Variants in COL5A2 observed in about 807,000 individuals in gnomAD.
COL5A2 encodes collagen type V alpha 2 chain.
In COL5A2, 23 loss-of-function variants were observed where a neutral mutation model predicts 208.2. The ratio of observed to expected loss-of-function variants is 0.11; its 90% CI spans 0.08 to 0.16. The LOEUF (loss-of-function observed/expected upper bound fraction) is 0.16, where lower values mean the gene tolerates loss of function less well. Ranked by LOEUF, COL5A2 falls within the 10% of genes least tolerant of loss-of-function variation. COL5A2 has a pLI of 1.00. For missense variants in COL5A2, 1,590 were observed against 1,956.4 expected (o/e 0.81, Z 3.53); for synonymous variants, 625 against 628.5 (o/e 0.99, Z 0.08).
upstream of COL5A2, among the ~76,000 whole-genome samples, chr2:189,226,623 C>G (rs958851274): frequency 2.6e-5 from 4 of 152,076 alleles, no homozygotes; most frequent in Non-Finnish European, 4.4e-5. Context: ...TGTCTTGGAG[C>G]ACTGATAACA....
chr2:189,207,404 G>A (rs1213534223), intron 1 of COL5A2, among the ~76,000 whole-genome samples: 2 of 152,038 alleles, frequency 1.3e-5, no homozygotes, highest in Non-Finnish European at 1.5e-5. Flanking sequence ...TCTATTAAAT[G>A]TAAGTTACAA....
At chr2:189,433,539 G>A in the COL5A2 span, among the ~76,000 whole-genome samples, 4 of 152,024 alleles carry the variant, frequency 2.6e-5, no homozygotes, top group African/African-American at 7.2e-5. Context: ...TACCATCAGA[G>A]AATACAATAA....
intron 1 of COL5A2, among the ~76,000 whole-genome samples, chr2:189,187,550 G>C (rs144829234): frequency 3.3e-5 from 5 of 152,178 alleles, no homozygotes; most frequent in African/African-American, 1.2e-4. Context: ...TATTAAATGA[G>C]TTGAAATTTA....
intron 1 of COL5A2, among the ~76,000 whole-genome samples, chr2:189,190,869 T>G (rs1688914242): frequency 6.6e-6 from 1 of 152,206 alleles, no homozygotes. Context: ...ACTTTGAGAA[T>G]GCAGATATGT....
upstream of COL5A2, among the ~76,000 whole-genome samples, chr2:189,182,915 C>T (rs1688801381): frequency 6.6e-6 from 1 of 152,158 alleles, no homozygotes; most frequent in Non-Finnish European, 1.5e-5. Flanking sequence ...GTTACTCTGT[C>T]AGTGTCTCCT....
the COL5A2 span, among the ~76,000 whole-genome samples, chr2:189,323,795 T>C: frequency 6.6e-6 from 1 of 152,180 alleles, no homozygotes; most frequent in African/African-American, 2.4e-5. Flanking sequence ...TACCAATGCC[T>C]TTCTTCACAG....
chr2:189,097,568 A>C, intron 5 of COL5A2: 1 of 667,594 alleles, frequency 1.5e-6, no homozygotes, highest in Middle Eastern at 2.5e-4. Flanking sequence ...TTATGGCATC[A>C]TGGAGCATAG....
intron 1 of COL5A2, among the ~76,000 whole-genome samples, chr2:189,185,282 C>G (rs1268287156): frequency 4.6e-5 from 7 of 152,186 alleles, no homozygotes; most frequent in Non-Finnish European, 1.0e-4. Flanking sequence ...CTCAGCCTCC[C>G]AAAGTGCTGG....
chr2:189,080,886 A>G, intron 13 of COL5A2, 104 bp downstream of exon 13: 1 of 939,542 alleles, frequency 1.1e-6, no homozygotes, highest in Non-Finnish European at 1.8e-6. Context: ...TAGACAGTTA[A>G]GGACAATTGA....
the COL5A2 span, among the ~76,000 whole-genome samples, chr2:189,280,065 A>G: frequency 1.8e-4 from 28 of 152,124 alleles, 2 homozygotes; most frequent in Admixed American, 1.1e-3. Flanking sequence ...TCTATGAACC[A>G]AGAAGGAGAC....
the COL5A2 span, among the ~76,000 whole-genome samples, chr2:189,354,086 T>C: frequency 2.0e-5 from 3 of 152,234 alleles, no homozygotes; most frequent in African/African-American, 4.8e-5. Context: ...TTAAGTTTAT[T>C]GATTTGTGTA....
Position 189,089,869 on chromosome 2 carries a change from A to G in COL5A2, c.568-1097T>C, listed in dbSNP as rs185513441. Among the ~76,000 whole-genome samples, 149 of 152,316 alleles carry G rather than the reference A, an allele frequency of 9.8e-4. 1 individual carries two copies. The highest frequency in any genetic ancestry group is 3.3e-3 in the African/African-American group (138 of 41,572). ...TAAATATTGTGTGTGTTGTTCTACC[A>G]ACCGGGTGTTCCCCATCTCTCTTCC... On this transcript the variant is annotated intron_variant, in intron 7 of 53. Transcript: ENST00000374866.
intron 1 of COL5A2, among the ~76,000 whole-genome samples, chr2:189,157,019 C>A (rs1001936097): frequency 2.0e-5 from 3 of 149,510 alleles, no homozygotes; most frequent in Admixed American, 6.7e-5. Flanking sequence ...GTGTTTTTTA[C>A]TCATCTCCAC....
At chr2:189,146,277 C>A (rs1056597570) in intron 1 of COL5A2, among the ~76,000 whole-genome samples, 2 of 152,016 alleles carry the variant, frequency 1.3e-5, no homozygotes, top group Admixed American at 6.6e-5. Flanking sequence ...AAAATATGAA[C>A]CTTACTTATT....
chr2:189,289,639 T>C, the COL5A2 span, among the ~76,000 whole-genome samples: 21 of 152,298 alleles, frequency 1.4e-4, no homozygotes, highest in African/African-American at 4.6e-4. Context: ...TTTAAAAATC[T>C]AGACTCCACG....
chr2:189,175,518 C>A (rs989927646), intron 1 of COL5A2, among the ~76,000 whole-genome samples: 3 of 150,480 alleles, frequency 2.0e-5, no homozygotes, highest in Non-Finnish European at 4.4e-5. Context: ...TGCTTAAAAG[C>A]ATTTCTTTAT....
At chr2:189,274,548 C>T in the COL5A2 span, among the ~76,000 whole-genome samples, 1 of 152,268 alleles carries the variant, frequency 6.6e-6, no homozygotes, top group African/African-American at 2.4e-5. Flanking sequence ...TCAGCTTCTG[C>T]ACTAAAAACA....
At chr2:189,191,711 T>C (rs1484906474) in intron 1 of COL5A2, among the ~76,000 whole-genome samples, 1 of 152,168 alleles carries the variant, frequency 6.6e-6, no homozygotes, top group Non-Finnish European at 1.5e-5. Context: ...TACTTTCATC[T>C]TTTATTGGTC....
chr2:189,311,688 C>G, the COL5A2 span: 1 of 753,194 alleles, frequency 1.3e-6, no homozygotes, highest in Non-Finnish European at 2.4e-6. Context: ...GCAGCTCCAA[C>G]CTCAGTGGAC....
Sources: allele counts gnomAD v4.1 joint callset (sites outside exome capture counted in the v4.1 genomes callset), GRCh38; gene constraint gnomAD v4.1.1; transcripts MANE v1.5; gene names NCBI Gene and HGNC (gene_info 2026-07-23, HGNC 2026-07-21).